The following EOGT variants were observed in gnomAD, a reference collection of about 807,000 sequenced individuals.
The protein encoded by EOGT is EGF domain specific O-linked N-acetylglucosamine transferase.
Under a neutral mutation model 70.5 loss-of-function variants are expected in EOGT, and 55 were observed. The observed-to-expected ratio is 0.78, with a 90% confidence interval of 0.63 to 0.98. The LOEUF (loss-of-function observed/expected upper bound fraction) is 0.98, where lower values mean the gene tolerates loss of function less well. Ranked by LOEUF, EOGT falls within the 50% of genes least tolerant of loss-of-function variation. The pLI, the probability that EOGT is intolerant of heterozygous loss-of-function variation, is 0.00. For synonymous variants in EOGT, 246 were observed against 217.1 expected (o/e 1.13, Z -1.17); for missense variants, 703 against 641.9 (o/e 1.10, Z -1.03).
chr3:69,008,285 T>C (rs1297612913), intron 5 of EOGT, 143 bp downstream of exon 5: 6 of 658,860 alleles, frequency 9.1e-6, no homozygotes, highest in South Asian at 2.0e-5. Flanking sequence ...AATAGTCAAG[T>C]TGAATTCATG....
chr3:68,999,667 C>G lies in EOGT; in HGVS notation c.728-1553G>C, dbSNP rs185249300. On this transcript the variant is annotated intron_variant, in intron 9 of 17. Coordinates refer to ENST00000383701, the MANE Select transcript of EOGT (RefSeq NM_001278689.2). ...AAAATCTTGGCAAAGAATATATTTTCAAATTAACAAGAAAAATAAAGTTCT... is the reference window on the plus strand; with the variant it reads ...AAAATCTTGGCAAAGAATATATTTTGAAATTAACAAGAAAAATAAAGTTCT... Among the ~76,000 whole-genome samples, 213 of 152,156 alleles carry G rather than the reference C, an allele frequency of 1.4e-3. 1 individual carries two copies. The highest frequency in any genetic ancestry group is 4.2e-3 in the African/African-American group (175 of 41,520).
intron 9 of EOGT, among the ~76,000 whole-genome samples, chr3:68,999,095 G>A (rs753289638): frequency 3.3e-5 from 5 of 152,128 alleles, no homozygotes; most frequent in East Asian, 1.9e-4. Flanking sequence ...CCAAGCATGC[G>A]CAACATTCTT....
At chr3:68,978,282 C>A (rs774272094) in intron 17 of EOGT, 51 bp downstream of exon 17, 46 of 1,359,814 alleles carry the variant, frequency 3.4e-5, no homozygotes, top group Non-Finnish European at 4.8e-5. Flanking sequence ...TAATTGGATA[C>A]TTTAAACCAA....
At chr3:68,996,306 C>A (rs1019319877) in intron 10 of EOGT, among the ~76,000 whole-genome samples, 6 of 152,176 alleles carry the variant, frequency 3.9e-5, no homozygotes, top group Admixed American at 6.5e-5. Context: ...CTACTACAAG[C>A]CTCTTATCAG....
chr3:68,996,476 C>T (rs2091149607), intron 10 of EOGT, among the ~76,000 whole-genome samples: 1 of 152,230 alleles, frequency 6.6e-6, no homozygotes, highest in Non-Finnish European at 1.5e-5. Context: ...TAAACTGCAT[C>T]TGGACTGGGA....
chr3:68,978,550 C>A lies in EOGT; in HGVS notation c.1335-115G>T, dbSNP rs1459877211. The A allele has an allele frequency of 4.7e-6, 3 of 637,074 alleles. No homozygotes were observed. The East Asian group carries it at 8.5e-5, about 18-fold the overall frequency. 39.5% of individuals were successfully genotyped at this position (637,074 alleles called of 1,614,324 possible). On this transcript the variant is annotated intron_variant, in intron 16 of 17. Transcript: ENST00000383701. ...ATATGTCCTTGCAAAAGGTTGTAAA[C>A]AAGACTGAGGAAGACAGTAAACAAG...
chr3:69,006,615 T>C (rs2091444780), intron 6 of EOGT, among the ~76,000 whole-genome samples: 1 of 152,202 alleles, frequency 6.6e-6, no homozygotes, highest in African/African-American at 2.4e-5. Context: ...CCTCATTTCT[T>C]CCTTACCATA....
chr3:68,982,981 A>G, intron 14 of EOGT, 109 bp from the exon 15 acceptor site: 1 of 614,430 alleles, frequency 1.6e-6, no homozygotes, highest in Non-Finnish European at 2.8e-6. Context: ...CAGATATTAA[A>G]TATCATTTGG....
intron 15 of EOGT, among the ~76,000 whole-genome samples, chr3:68,981,280 G>C (rs545703835): frequency 6.6e-6 from 1 of 152,162 alleles, no homozygotes; most frequent in Non-Finnish European, 1.5e-5. Flanking sequence ...GCCATAATGG[G>C]ATTCCTACTG....
At chr3:69,000,301 G>A (rs1443384436) in intron 9 of EOGT, among the ~76,000 whole-genome samples, 1 of 152,112 alleles carries the variant, frequency 6.6e-6, no homozygotes, top group Non-Finnish European at 1.5e-5. Context: ...GGAAAGAAAT[G>A]AGACATGTCT....
At chr3:68,982,903 C>A (rs775460205) in intron 14 of EOGT, 31 bp from the exon 15 acceptor site, 6 of 1,558,930 alleles carry the variant, frequency 3.8e-6, no homozygotes, top group Non-Finnish European at 5.2e-6. Flanking sequence ...TTTAGCATTT[C>A]TTTTCCTTCT....
chr3:69,001,483 C>CA (rs918663345), intron 9 of EOGT, 125 bp downstream of exon 9: 87 of 596,486 alleles, frequency 1.5e-4, no homozygotes, highest in African/African-American at 3.7e-4. Flanking sequence ...GAGAAGAAAG[C>CA]AAAAAAAACA....
At position 68,976,111 on chromosome 3, in the gene EOGT, C is replaced by T. The variant is rs1269768719; in HGVS notation, c.*1507G>A. ...AATGAATCCCACTCAAAGAGTGGGGCTACATTCCAGATATTCTTTTTAATC... is the reference window on the plus strand; with the variant it reads ...AATGAATCCCACTCAAAGAGTGGGGTTACATTCCAGATATTCTTTTTAATC... On this transcript the variant is annotated 3_prime_UTR_variant, in exon 18 of 18. Transcript: ENST00000383701. 2.0e-5 allele frequency: 3 copies of T among 152,182 alleles called. No individual in the cohort carries two copies. The highest frequency in any genetic ancestry group is 4.4e-5 in the Non-Finnish European group (3 of 68,028). The allele number at this position is 152,182 out of a possible 1,614,324, so 9.4% of individuals were successfully genotyped here. A position where few individuals can be genotyped will look rare whatever the true frequency, so the allele number is the denominator to read the frequency against.
chr3:68,991,178 T>G (rs1424473136), intron 10 of EOGT, among the ~76,000 whole-genome samples: 1 of 152,188 alleles, frequency 6.6e-6, no homozygotes, highest in Non-Finnish European at 1.5e-5. Flanking sequence ...TCCAAAAGCT[T>G]CTTTTCCATG....
chr3:68,988,878 C>T (rs1019875183), intron 11 of EOGT, 47 bp downstream of exon 11: 3 of 1,010,278 alleles, frequency 3.0e-6, no homozygotes, highest in Admixed American at 4.7e-5. Flanking sequence ...AGTGAGTCAT[C>T]TGCACTCAAG....
chr3:68,979,285 T>C (rs1161761182), intron 16 of EOGT, among the ~76,000 whole-genome samples: 3 of 152,230 alleles, frequency 2.0e-5, no homozygotes, highest in South Asian at 2.1e-4. Flanking sequence ...AGTTAAGTGG[T>C]TGGCTTGTGT....
intron 10 of EOGT, among the ~76,000 whole-genome samples, chr3:68,997,441 T>A (rs962650951): frequency 2.0e-5 from 3 of 151,474 alleles, no homozygotes; most frequent in Admixed American, 2.0e-4. Flanking sequence ...CGATCTCGGC[T>A]CAATGCAACC....
chr3:68,985,209 C>A (rs1460461073), intron 14 of EOGT, among the ~76,000 whole-genome samples: 3 of 152,102 alleles, frequency 2.0e-5, no homozygotes, highest in Non-Finnish European at 2.9e-5. Flanking sequence ...TTTGTATTCC[C>A]AACATTGCAC....
rs771137480 is a variant in EOGT, at chr3:68,977,567, T to A, written c.*51A>T. ...TGCTTTACTGATTTAATTCTAAGTC[T>A]GGGTGTTGGAGTGTTTAAACACTCT... is the stretch of plus-strand genomic sequence containing the variant. On this transcript the variant is annotated 3_prime_UTR_variant, in exon 18 of 18. Coordinates refer to ENST00000383701, the MANE Select transcript of EOGT (RefSeq NM_001278689.2). 129 of 1,576,800 alleles carry A rather than the reference T, an allele frequency of 8.2e-5. No homozygotes were observed. The South Asian group carries it at 1.4e-3, about 17-fold the overall frequency.
Sources: gnomAD v4.1 joint callset for allele counts (sites outside exome capture counted in the v4.1 genomes callset) on GRCh38, gnomAD v4.1.1 for gene constraint, MANE v1.5 for transcripts, NCBI Gene and HGNC (gene_info 2026-07-23, HGNC 2026-07-21) for gene names.